DAAM1: variants seen among roughly 807,000 people sequenced by gnomAD.
DAAM1 encodes the protein disheveled-associated activator of morphogenesis 1.
A neutral mutation model predicts 130.0 loss-of-function variants in DAAM1; 52 were observed. The observed-to-expected ratio is 0.40, with a 90% CI of 0.32 to 0.50. The LOEUF (loss-of-function observed/expected upper bound fraction) is 0.50. DAAM1 is among the 20% of genes least tolerant of loss of function. DAAM1 has a pLI of 0.61. For synonymous variants in DAAM1, 452 were observed against 444.5 expected (o/e 1.02, Z -0.21); for missense variants, 1,134 against 1,303.8 (o/e 0.87, Z 2.01).
chr14:59,202,354 G>T (rs1594754692), intron 1 of DAAM1, among the ~76,000 whole-genome samples: 1 of 152,144 alleles, frequency 6.6e-6, no homozygotes, highest in African/African-American at 2.4e-5. Context: ...AAATAAAATG[G>T]CTTTAAAAAA....
chr14:59,206,266 ATTTATTTTAT>A (rs906200037), intron 1 of DAAM1, among the ~76,000 whole-genome samples: 1 of 152,034 alleles, frequency 6.6e-6, no homozygotes, highest in African/African-American at 2.4e-5. Flanking sequence ...GGGCTCAGGT[ATTTATTTTAT>A]TTTATTTTAT....
intron 3 of DAAM1, among the ~76,000 whole-genome samples, chr14:59,297,677 A>C (rs574787792): frequency 6.6e-6 from 1 of 152,312 alleles, no homozygotes; most frequent in Non-Finnish European, 1.5e-5. Flanking sequence ...TGACTACAGG[A>C]CAATAAGATA....
rs780499191 is a variant in DAAM1, at chr14:59,324,365, T to C, written c.900T>C (p.Phe300=). The change falls in exon 8 of 25, where the codon TTT becomes TTC. Residue 300 remains phenylalanine (F), a synonymous_variant. Coordinates refer to ENST00000360909, the MANE Select transcript of DAAM1 (RefSeq NM_001270520.2). ...TTTACTTTCAGGAGAGTTTGGACTT[T>C]AGACTTCATCTTCGCTATGAATTTC... ...SQGAGVESLD[F]RLHLRYEFLM... 9 of 1,592,020 alleles carry C rather than the reference T, an allele frequency of 5.7e-6. No homozygotes were observed. Among genetic ancestry groups the C allele is most frequent in the South Asian group, 3.5e-5 (3 of 85,474 alleles).
chr14:59,368,502 C>T (rs897653101), intron 24 of DAAM1, 148 bp from the exon 25 acceptor site: 1 of 787,736 alleles, frequency 1.3e-6, no homozygotes, highest in Non-Finnish European at 2.0e-6. Flanking sequence ...GTTCCAATTC[C>T]CCCTTTCTTG....
chr14:59,301,290 C>T lies in DAAM1; in HGVS notation c.273+9984C>T, dbSNP rs1483996021. On this transcript the variant is annotated intron_variant, in intron 3 of 24. Transcript: ENST00000360909. ...AAATGAAAAGTATTCTATTCAAATACATACAAAGCCATACAAAAGTACAAA... is the reference window on the plus strand; with the variant it reads ...AAATGAAAAGTATTCTATTCAAATATATACAAAGCCATACAAAAGTACAAA... 1.3e-5 allele frequency among the ~76,000 whole-genome samples: 2 copies of T among 152,022 alleles called. 1 individual carries two copies. The highest frequency in any genetic ancestry group is 2.9e-5 in the Non-Finnish European group (2 of 67,996).
intron 12 of DAAM1, among the ~76,000 whole-genome samples, chr14:59,329,818 G>GT (rs1885350609): frequency 6.6e-6 from 1 of 152,308 alleles, no homozygotes; most frequent in Non-Finnish European, 1.5e-5. Context: ...TCTCCCCTGT[G>GT]TTACCATGAT....
intron 1 of DAAM1, among the ~76,000 whole-genome samples, chr14:59,222,661 T>C (rs1478481958): frequency 6.6e-6 from 1 of 152,206 alleles, no homozygotes; most frequent in Non-Finnish European, 1.5e-5. Flanking sequence ...ATCCATAGAA[T>C]AGGTCATTCT....
intron 3 of DAAM1, among the ~76,000 whole-genome samples, chr14:59,314,549 G>C (rs902880890): frequency 6.6e-6 from 1 of 152,020 alleles, no homozygotes; most frequent in East Asian, 1.9e-4. Context: ...GCCCTGGGGG[G>C]CTTAGGGGCT....
intron 5 of DAAM1, among the ~76,000 whole-genome samples, chr14:59,322,372 AT>A (rs1364438923): frequency 6.6e-6 from 1 of 151,996 alleles, no homozygotes; most frequent in Non-Finnish European, 1.5e-5. Flanking sequence ...AAAAGAAAAA[AT>A]TGACTGGGAA....
intron 16 of DAAM1, 95 bp from the exon 17 acceptor site, chr14:59,347,444 G>C (rs1886126293): frequency 8.5e-7 from 1 of 1,171,342 alleles, no homozygotes; most frequent in Admixed American, 2.1e-5. Context: ...TGAGAAAAAA[G>C]TACTTGAAAA....
intron 1 of DAAM1, among the ~76,000 whole-genome samples, chr14:59,236,675 G>A (rs1426322438): frequency 6.6e-6 from 1 of 152,060 alleles, no homozygotes; most frequent in African/African-American, 2.4e-5. Context: ...GATTATCTTT[G>A]TCTGTCTCCT....
At chr14:59,313,318 T>G (rs1249058460) in intron 3 of DAAM1, among the ~76,000 whole-genome samples, 1 of 152,240 alleles carries the variant, frequency 6.6e-6, no homozygotes, top group Admixed American at 6.5e-5. Context: ...ACAAGAAACT[T>G]TCACATACTC....
intron 1 of DAAM1, among the ~76,000 whole-genome samples, chr14:59,247,336 GTTC>G (rs1054761804): frequency 1.3e-5 from 2 of 152,066 alleles, no homozygotes; most frequent in Non-Finnish European, 2.9e-5. Flanking sequence ...CTCCAGCTTT[GTTC>G]TTCTTTTTCA....
At chr14:59,287,597 A>T (rs1053701851) in intron 2 of DAAM1, among the ~76,000 whole-genome samples, 1 of 152,236 alleles carries the variant, frequency 6.6e-6, no homozygotes, top group Non-Finnish European at 1.5e-5. Context: ...TGCAAAACCA[A>T]TGTGGAAAAA....
At chr14:59,296,202 A>G (rs771011812) in intron 3 of DAAM1, among the ~76,000 whole-genome samples, 5 of 152,218 alleles carry the variant, frequency 3.3e-5, no homozygotes, top group African/African-American at 9.6e-5. Flanking sequence ...GCTGCAGGAC[A>G]ACCAGCTTTC....
At chr14:59,363,843 T>G in intron 23 of DAAM1, 61 bp downstream of exon 23, 1 of 1,601,430 alleles carries the variant, frequency 6.2e-7, no homozygotes, top group South Asian at 1.1e-5. Flanking sequence ...GTGTGATACT[T>G]TCAGTTATTA....
At chr14:59,353,702 AAAGCTGGCT>A (rs1297100874) in intron 18 of DAAM1, among the ~76,000 whole-genome samples, 165 bp from the exon 19 acceptor site, 2 of 152,124 alleles carry the variant, frequency 1.3e-5, no homozygotes, top group Non-Finnish European at 2.9e-5. Context: ...CTCTCCAGGC[AAAGCTGGCT>A]TAATGTCCTG....
chr14:59,221,364 AG>A (rs1319477868), intron 1 of DAAM1, among the ~76,000 whole-genome samples: 1 of 152,258 alleles, frequency 6.6e-6, no homozygotes, highest in African/African-American at 2.4e-5. Context: ...ATAACAAAAT[AG>A]GGAGGAAATA....
At chr14:59,240,040 T>C (rs1889427944) in intron 1 of DAAM1, among the ~76,000 whole-genome samples, 1 of 152,218 alleles carries the variant, frequency 6.6e-6, no homozygotes, top group Admixed American at 6.5e-5. Context: ...CAATACAGTC[T>C]TCTGTAAAAC....
Sources: allele counts gnomAD v4.1 joint callset (sites outside exome capture counted in the v4.1 genomes callset), GRCh38; gene constraint gnomAD v4.1.1; transcripts MANE v1.5; gene names NCBI Gene and HGNC (gene_info 2026-07-23, HGNC 2026-07-21).